TET1: variants seen among roughly 807,000 people sequenced by gnomAD.
The protein encoded by TET1 is methylcytosine dioxygenase TET1.
A neutral mutation model predicts 148.7 loss-of-function variants in TET1; 13 were observed. That is an observed-to-expected ratio of 0.09 (90% CI 0.06 to 0.14). The LOEUF (loss-of-function observed/expected upper bound fraction) is 0.14. Ranked by LOEUF, TET1 falls within the 10% of genes least tolerant of loss-of-function variation. TET1 has a pLI of 1.00. For missense variants in TET1, 2,182 were observed against 2,553.8 expected (o/e 0.85, Z 3.14); for synonymous variants, 907 against 937.2 (o/e 0.97, Z 0.59).
chr10:68,578,766 T>G (rs914680919), intron 2 of TET1, among the ~76,000 whole-genome samples: 3 of 152,052 alleles, frequency 2.0e-5, no homozygotes, highest in Middle Eastern at 6.3e-3. Flanking sequence ...GCTTTTGCTT[T>G]GAATAGTGTT....
intron 2 of TET1, among the ~76,000 whole-genome samples, chr10:68,576,148 C>T (rs1469592897): frequency 1.3e-5 from 2 of 151,782 alleles, no homozygotes; most frequent in South Asian, 2.1e-4. Flanking sequence ...TTGAGGAGTT[C>T]GAGACCAGCC....
At chr10:68,570,253 TGCC>T (rs2053653221) in intron 1 of TET1, among the ~76,000 whole-genome samples, 1 of 151,516 alleles carries the variant, frequency 6.6e-6, no homozygotes, top group East Asian at 2.0e-4. Context: ...TACAGGCGCC[TGCC>T]ACCACGCCCG....
chr10:68,658,031 G>C (rs2055050894), intron 6 of TET1, among the ~76,000 whole-genome samples: 2 of 152,062 alleles, frequency 1.3e-5, no homozygotes, highest in African/African-American at 4.8e-5. Context: ...GAATTACATT[G>C]CTCCAAATTT....
chr10:68,645,100 T>C lies in TET1; in HGVS notation c.2371T>C (p.Tyr791His), dbSNP rs1431681610. The C allele has an allele frequency of 2.5e-6, 4 of 1,611,914 alleles. No individual in the cohort carries two copies. The highest frequency in any genetic ancestry group is 1.3e-5 in the African/African-American group (1 of 74,802). ...EFGKTLENNSYKFLKDTANHK... is the reference protein window; with the variant it reads ...EFGKTLENNSHKFLKDTANHK... ...CGGCAAGACATTGGAAAACAATTCT[T>C]ATAAATTCCTAAAAGACACTGCAAA... The change falls in exon 4 of 12, where the codon TAT (tyrosine) becomes CAT (histidine). Residue 791 changes from tyrosine to histidine, a missense_variant. By Grantham distance (83) the Tyr-to-His change is moderately conservative. Transcript: ENST00000373644.
Position 68,692,262 on chromosome 10 carries a change from T to G in TET1, c.*448T>G, listed in dbSNP as rs1324267914. The G allele has an allele frequency of 3.4e-5, 8 of 235,032 alleles. No individual in the cohort carries two copies. Among genetic ancestry groups the G allele is most frequent in the Non-Finnish European group, 5.9e-5 (7 of 119,242 alleles). The allele number at this position is 235,032 out of a possible 1,614,324, so 14.6% of individuals were successfully genotyped here. ...GTTAAAAATAAGCTGAATTATTATT[T>G]CATGGTGCCATTGTTCCAACATCTT... On this transcript the variant is annotated 3_prime_UTR_variant, in exon 12 of 12. Coordinates refer to ENST00000373644, the MANE Select transcript of TET1 (RefSeq NM_030625.3).
At position 68,641,471 on chromosome 10, in the gene TET1, CATTTATTTATTTATTT is replaced by C. The variant is rs35059085; in HGVS notation, c.1969-3213_1969-3198del. 1.8e-4 allele frequency among the ~76,000 whole-genome samples: 26 copies of C among 148,352 alleles called. No homozygotes were observed. In the Admixed American group the frequency reaches 1.8e-3, roughly 10 times the overall value. On this transcript the variant is annotated intron_variant, in intron 3 of 11. Transcript: ENST00000373644. ...TGGTCTCCTATTCCCAGGAGGTTACCATTTATTTATTTATTTATTTATTTATTTAATTTTATTTTAT... is the reference window on the plus strand; with the variant it reads ...TGGTCTCCTATTCCCAGGAGGTTACCATTTATTTATTTAATTTTATTTTAT...
chr10:68,595,743 A>C (rs2053970983), intron 2 of TET1, among the ~76,000 whole-genome samples: 1 of 142,798 alleles, frequency 7.0e-6, no homozygotes, highest in African/African-American at 2.6e-5. Flanking sequence ...TCAGCCTCCC[A>C]GGTACCTGGG....
chr10:68,691,857 T>G lies in TET1; in HGVS notation c.*43T>G. 1 of 1,542,036 alleles carries G rather than the reference T, an allele frequency of 6.5e-7. No individual in the cohort carries two copies. Among genetic ancestry groups the G allele is most frequent in the Non-Finnish European group, 8.7e-7 (1 of 1,147,022 alleles). Reference sequence around the variant, plus strand: ...TTAATGCCTTTGCTAGTGCAGTGTATTTTTTCAAGGTGCTGTTAAAAGAAA... The same window carrying G: ...TTAATGCCTTTGCTAGTGCAGTGTAGTTTTTCAAGGTGCTGTTAAAAGAAA... On this transcript the variant is annotated 3_prime_UTR_variant, in exon 12 of 12. Transcript: ENST00000373644. The surrounding 1 kb of genome is among the most constrained non-coding windows in gnomAD (Gnocchi z 4.4).
At chr10:68,666,273 G>C (rs893952485) in intron 6 of TET1, among the ~76,000 whole-genome samples, 1 of 151,994 alleles carries the variant, frequency 6.6e-6, no homozygotes, top group Non-Finnish European at 1.5e-5. Context: ...AAGTCAAGTA[G>C]ACCACATTAG....
At chr10:68,665,794 A>T (rs906768757) in intron 6 of TET1, among the ~76,000 whole-genome samples, 1 of 152,120 alleles carries the variant, frequency 6.6e-6, no homozygotes, top group Non-Finnish European at 1.5e-5. Context: ...TTTAATATAA[A>T]TAATTGTGTC....
intron 2 of TET1, among the ~76,000 whole-genome samples, chr10:68,581,886 G>A (rs2053802402): frequency 6.6e-6 from 1 of 151,532 alleles, no homozygotes; most frequent in Admixed American, 6.6e-5. Context: ...TATCCCTGAA[G>A]ATAGGGTCTT....
chr10:68,595,139 T>A (rs1249039872), intron 2 of TET1, among the ~76,000 whole-genome samples: 1 of 145,174 alleles, frequency 6.9e-6, no homozygotes, highest in African/African-American at 2.6e-5. Context: ...GGGAAGAGAG[T>A]GAGACCCTAT....
chr10:68,659,582 G>A (rs1311759234), intron 6 of TET1, among the ~76,000 whole-genome samples: 1 of 152,128 alleles, frequency 6.6e-6, no homozygotes, highest in Non-Finnish European at 1.5e-5. Flanking sequence ...GCCTCCCAAA[G>A]TGCTGTGATT....
In TET1 at chr10:68,686,350, T is replaced by A; in HGVS notation, c.5053-6T>A. ...CTTTCCCATTTCATGTTTTTCTCCC[T>A]ATCAGGTTTGTACCTTAACTCGAGA... On this transcript the variant is annotated splice_region_variant and splice_polypyrimidine_tract_variant and intron_variant, in intron 10 of 11. Coordinates refer to ENST00000373644, the MANE Select transcript of TET1 (RefSeq NM_030625.3). 6.3e-7 allele frequency: 1 copy of A among 1,582,988 alleles called. No homozygotes were observed. The highest frequency in any genetic ancestry group is 8.6e-7 in the Non-Finnish European group (1 of 1,162,820).
chr10:68,606,635 G>A (rs1388310878), intron 3 of TET1, among the ~76,000 whole-genome samples: 1 of 151,796 alleles, frequency 6.6e-6, no homozygotes, highest in Admixed American at 6.6e-5. Context: ...CATTTTGATA[G>A]GTCCTTATAG....
intron 2 of TET1, among the ~76,000 whole-genome samples, chr10:68,594,523 G>A (rs1432275643): frequency 2.6e-5 from 4 of 152,122 alleles, no homozygotes; most frequent in Non-Finnish European, 4.4e-5. Flanking sequence ...AGTAGCCTCA[G>A]GGAAAGGGGT....
At chr10:68,678,569 G>A (rs2055394142) in intron 8 of TET1, among the ~76,000 whole-genome samples, 2 of 152,030 alleles carry the variant, frequency 1.3e-5, no homozygotes, top group South Asian at 4.2e-4. Context: ...GGCTAACATG[G>A]TGAAACTCCG....
At chr10:68,602,030 G>A (rs1201589228) in intron 3 of TET1, among the ~76,000 whole-genome samples, 4 of 152,134 alleles carry the variant, frequency 2.6e-5, no homozygotes, top group South Asian at 2.1e-4. Flanking sequence ...ATGTTGACAC[G>A]GAGAACCAAA....
chr10:68,613,761 A>C (rs564837935), intron 3 of TET1, among the ~76,000 whole-genome samples: 99 of 152,178 alleles, frequency 6.5e-4, no homozygotes, highest in African/African-American at 2.3e-3. Flanking sequence ...ACATGGTGAA[A>C]CCCTGTCTCT....
Sources: allele counts gnomAD v4.1 joint callset (sites outside exome capture counted in the v4.1 genomes callset), GRCh38; gene constraint gnomAD v4.1.1; non-coding constraint Gnocchi (gnomAD v3.1); transcripts MANE v1.5; gene names NCBI Gene and HGNC (gene_info 2026-07-23, HGNC 2026-07-21).